ZNF84: variants seen among roughly 807,000 people sequenced by gnomAD.
The protein encoded by ZNF84 is zinc finger protein 84, also known as zinc finger protein HPF2.
A neutral mutation model predicts 14.8 loss-of-function variants in ZNF84; 12 were observed. The ratio of observed to expected loss-of-function variants is 0.81; its 90% CI spans 0.52 to 1.31. The LOEUF is 1.31. ZNF84 is among the 50% of genes most tolerant of loss of function. ZNF84 has a pLI of 0.00. For synonymous variants in ZNF84, 347 were observed against 291.1 expected (o/e 1.19, Z -1.96); for missense variants, 859 against 878.6 (o/e 0.98, Z 0.28).
At position 133,063,193 on chromosome 12, in the gene ZNF84, C is replaced by T; in HGVS notation, c.*4261C>T. The T allele has an allele frequency of 5.7e-6, 4 of 702,346 alleles. No homozygotes were observed. The highest frequency in any genetic ancestry group is 1.0e-5 in the Non-Finnish European group (4 of 384,842). The allele number at this position is 702,346 out of a possible 1,614,324, so 43.5% of individuals were successfully genotyped here. A position where few individuals can be genotyped will look rare whatever the true frequency, so the allele number is the denominator to read the frequency against. On this transcript the variant is annotated 3_prime_UTR_variant, in exon 5 of 5. Coordinates refer to ENST00000539354, the MANE Select transcript of ZNF84 (RefSeq NM_001289971.2). ...CCCGATTGTGTTCCAGTACCTGGTTCTTCTGGTCTTCATGTTCAGGTCCAC... is the reference window on the plus strand; with the variant it reads ...CCCGATTGTGTTCCAGTACCTGGTTTTTCTGGTCTTCATGTTCAGGTCCAC...
intron 2 of ZNF84, among the ~76,000 whole-genome samples, chr12:133,046,347 G>GTT (rs58214468): frequency 2.6e-5 from 3 of 116,406 alleles, no homozygotes; most frequent in African/African-American, 7.2e-5. Context: ...AGTCCTCACA[G>GTT]TTTTTTTTTT....
chr12:133,053,833 C>G (rs1283745856), intron 4 of ZNF84, among the ~76,000 whole-genome samples: 1 of 152,172 alleles, frequency 6.6e-6, no homozygotes, highest in Admixed American at 6.5e-5. Flanking sequence ...ACACCATAAT[C>G]TACCAAATTG....
At chr12:133,048,169 C>A (rs1372969003) in intron 3 of ZNF84, 88 bp downstream of exon 3, 2 of 1,296,310 alleles carry the variant, frequency 1.5e-6, no homozygotes, top group Non-Finnish European at 2.1e-6. Flanking sequence ...AAGCCTATAG[C>A]TAGGCTTCTG....
intron 2 of ZNF84, among the ~76,000 whole-genome samples, chr12:133,045,682 C>T (rs1953968084): frequency 6.6e-6 from 1 of 152,152 alleles, no homozygotes; most frequent in Non-Finnish European, 1.5e-5. Flanking sequence ...ATTGCTGTTC[C>T]CTTTAAGTGA....
intron 1 of ZNF84, among the ~76,000 whole-genome samples, chr12:133,039,399 A>C (rs1289941745): frequency 6.6e-6 from 1 of 152,230 alleles, no homozygotes; most frequent in African/African-American, 2.4e-5. Flanking sequence ...GTGCATGTAG[A>C]TATGCACAAA....
chr12:133,058,785 G>A lies in ZNF84; in HGVS notation c.2070G>A (p.Lys690=). 2 of 1,613,732 alleles carry A rather than the reference G, an allele frequency of 1.2e-6. No homozygotes were observed. Among genetic ancestry groups the A allele is most frequent in the East Asian group, 2.2e-5 (1 of 44,822 alleles). The change falls in exon 5 of 5, where the codon AAG becomes AAA. Residue 690 remains lysine (K), a synonymous_variant. Transcript: ENST00000539354. ...EKPYGCSECR[K]AFSQKSQLVN... is the part of the protein sequence containing the mutation. ...CCTATGGATGCAGTGAATGTAGGAA[G>A]GCCTTCTCTCAGAAGTCACAGCTGG... is the stretch of plus-strand genomic sequence containing the variant.
intron 3 of ZNF84, chr12:133,048,416 A>G (rs890118991): frequency 3.1e-5 from 9 of 289,358 alleles, no homozygotes; most frequent in African/African-American, 6.4e-5. Flanking sequence ...CATCAGAGCA[A>G]TCCTATGTGG....
intron 4 of ZNF84, 129 bp from the exon 5 acceptor site, chr12:133,056,825 A>G (rs1954167649): frequency 4.6e-6 from 3 of 656,760 alleles, no homozygotes; most frequent in African/African-American, 1.9e-5. Context: ...TATACTTGGG[A>G]CTTATTTCAG....
chr12:133,052,369 AG>A (rs1954085750), intron 4 of ZNF84, among the ~76,000 whole-genome samples: 1 of 152,100 alleles, frequency 6.6e-6, no homozygotes, highest in Non-Finnish European at 1.5e-5. Flanking sequence ...TTTTTGAGAC[AG>A]GGTCTCACTC....
Position 133,058,688 on chromosome 12 carries a change from G to GTGA in ZNF84, c.1974_1976dup (p.Ser658_Glu659insAsp). 6.2e-7 allele frequency: 1 copy of GTGA among 1,613,990 alleles called. No individual in the cohort carries two copies. Among genetic ancestry groups the GTGA allele is most frequent in the Non-Finnish European group, 8.5e-7 (1 of 1,179,986 alleles). On this transcript the variant is annotated inframe_insertion, in exon 5 of 5. Coordinates refer to ENST00000539354, the MANE Select transcript of ZNF84 (RefSeq NM_001289971.2). Reference sequence around the variant, plus strand: ...ACAGGAGAGAAGCCTTTTGAATGCAGTGAGTGTGGCAAAGCTTTCTCTCGG... The same window carrying GTGA: ...ACAGGAGAGAAGCCTTTTGAATGCAGTGATGAGTGTGGCAAAGCTTTCTCTCGG...
At position 133,058,053 on chromosome 12, in the gene ZNF84, C is replaced by T; in HGVS notation, c.1338C>T (p.Leu446=). Residue 446 remains leucine (L), a synonymous_variant, in exon 5 of 5, where the codon CTC becomes CTT. Coordinates refer to ENST00000539354, the MANE Select transcript of ZNF84 (RefSeq NM_001289971.2). The part of the protein sequence containing the change: ...CGKAFSQKSH[L]ISHQMTHTGE... ...AGGCCTTCTCCCAGAAGTCACATCT[C>T]ATATCACATCAGATGACACACACAG... 1.2e-6 allele frequency: 2 copies of T among 1,613,762 alleles called. No homozygotes were observed. Among genetic ancestry groups the T allele is most frequent in the South Asian group, 1.1e-5 (1 of 91,056 alleles).
chr12:133,039,003 G>C (rs1953838696), intron 1 of ZNF84: 1 of 152,090 alleles, frequency 6.6e-6, no homozygotes, highest in Non-Finnish European at 1.5e-5. Flanking sequence ...CCTAAGAATG[G>C]TTACCTGTGG....
rs936372054 is a variant in ZNF84 at position 133,058,738 on chromosome 12, A to C, written c.2023A>C (p.Arg675=). 1.2e-5 allele frequency: 20 copies of C among 1,614,054 alleles called. No homozygotes were observed. Among genetic ancestry groups the C allele is most frequent in the Middle Eastern group, 3.3e-4 (2 of 6,062 alleles). Residue 675 remains arginine (R), a synonymous_variant, in exon 5 of 5, where the codon AGG becomes CGG. Coordinates refer to ENST00000539354, the MANE Select transcript of ZNF84 (RefSeq NM_001289971.2). ...GAAGTCACACCTTATACCACATCAA[A>C]GGACACATACGGGTGAGAAACCCTA... The part of the protein sequence containing the change: ...SRKSHLIPHQ[R]THTGEKPYGC...
intron 4 of ZNF84, among the ~76,000 whole-genome samples, chr12:133,053,866 A>C (rs1384163370): frequency 6.6e-6 from 1 of 152,212 alleles, no homozygotes; most frequent in East Asian, 1.9e-4. Flanking sequence ...ACCTAAGGGT[A>C]ATTCTTGATT....
chr12:133,053,640 G>A (rs1954105933), intron 4 of ZNF84, among the ~76,000 whole-genome samples: 1 of 152,188 alleles, frequency 6.6e-6, no homozygotes, highest in African/African-American at 2.4e-5. Context: ...CTACTCAGGA[G>A]GCTGAGTTGG....
intron 4 of ZNF84, among the ~76,000 whole-genome samples, chr12:133,053,724 C>T (rs1954107559): frequency 6.6e-6 from 1 of 152,006 alleles, no homozygotes; most frequent in African/African-American, 2.4e-5. Context: ...GCCTGAGTGA[C>T]AGGGCAATAC....
Position 133,047,980 on chromosome 12 carries a change from C to T in ZNF84, c.41C>T (p.Ser14Phe). Residue 14 changes from serine (S) to phenylalanine (F), a missense_variant, in exon 3 of 5, where the codon TCT becomes TTT. By Grantham distance (155) the Ser-to-Phe change is radical. Coordinates refer to ENST00000539354, the MANE Select transcript of ZNF84 (RefSeq NM_001289971.2). ...GAGTCATTCTCATTTGACGATTTAT[C>T]TGTGGACTTCACCCAAAAGGAGTGG... is the stretch of plus-strand genomic sequence containing the variant. Reference protein sequence around the residue: ...LQESFSFDDLSVDFTQKEWQL... With the variant: ...LQESFSFDDLFVDFTQKEWQL... The T allele has an allele frequency of 6.2e-7, 1 of 1,614,090 alleles. No homozygotes were observed. The highest frequency in any genetic ancestry group is 8.5e-7 in the Non-Finnish European group (1 of 1,179,972).
Position 133,058,047 on chromosome 12 carries a change from A to T in ZNF84, c.1332A>T (p.Ser444=). ...IQCGKAFSQK[S]HLISHQMTHT... ...GTGGGAAGGCCTTCTCCCAGAAGTC[A>T]CATCTCATATCACATCAGATGACAC... is the stretch of plus-strand genomic sequence containing the variant. Residue 444 remains serine, a synonymous_variant, in exon 5 of 5, where the codon TCA becomes TCT. Transcript: ENST00000539354. 1 of 1,613,904 alleles carries T rather than the reference A, an allele frequency of 6.2e-7. No homozygotes were observed. Among genetic ancestry groups the T allele is most frequent in the African/African-American group, 1.3e-5 (1 of 74,968 alleles).
chr12:133,058,734 TC>T lies in ZNF84; in HGVS notation c.2020del (p.Gln674LysfsTer62). The T allele has an allele frequency of 6.2e-7, 1 of 1,613,866 alleles. No individual in the cohort carries two copies. The highest frequency in any genetic ancestry group is 1.1e-5 in the South Asian group (1 of 91,078). ...FSRKSHLIPHQRTHTGEKPYG... is the reference protein window; with the variant it reads ...FSRKSHLIPHXRTHTGEKPYG... Reference sequence around the variant, plus strand: ...CTCGGAAGTCACACCTTATACCACATCAAAGGACACATACGGGTGAGAAACC... The same window carrying T: ...CTCGGAAGTCACACCTTATACCACATAAAGGACACATACGGGTGAGAAACC... On this transcript the variant is annotated frameshift_variant, in exon 5 of 5. Transcript: ENST00000539354. LOFTEE classifies it low-confidence loss of function (END_TRUNC).
Sources: allele counts gnomAD v4.1 joint callset (sites outside exome capture counted in the v4.1 genomes callset), GRCh38; gene constraint gnomAD v4.1.1; transcripts MANE v1.5; gene names NCBI Gene and HGNC (gene_info 2026-07-23, HGNC 2026-07-21).